Variants in GRIK3 observed in about 807,000 individuals in gnomAD.
GRIK3 encodes glutamate ionotropic receptor kainate type subunit 3, also known as glutamate receptor ionotropic, kainate 3.
A neutral mutation model predicts 102.5 loss-of-function variants in GRIK3; 29 were observed. The ratio of observed to expected loss-of-function variants is 0.28; its 90% CI spans 0.21 to 0.39. The LOEUF (loss-of-function observed/expected upper bound fraction) is 0.39, where lower values mean the gene tolerates loss of function less well. Ranked by LOEUF, GRIK3 falls within the 10% of genes least tolerant of loss-of-function variation. The probability of loss-of-function intolerance (pLI) is 1.00; values close to 1 mark genes in which losing one functional copy is unlikely to be tolerated. For missense variants in GRIK3, 908 were observed against 1,252.4 expected, an observed-to-expected ratio of 0.73 and a Z score of 4.15; for synonymous variants, 511 against 504.9, an observed-to-expected ratio of 1.01 and a Z score of -0.16.
chr1:36,851,360 C>T (rs1027779222), intron 8 of GRIK3, among the ~76,000 whole-genome samples: 1 of 152,316 alleles, frequency 6.6e-6, no homozygotes, highest in East Asian at 1.9e-4. Context: ...GGCAGAGTAG[C>T]TGTGTTTGGG....
rs1642379320 is a variant in GRIK3, at chr1:36,797,412, G to C, written c.*4439C>G. 1 of 151,954 alleles carries C rather than the reference G, an allele frequency of 6.6e-6. No individual in the cohort carries two copies. Among genetic ancestry groups the C allele is most frequent in the African/African-American group, 2.4e-5 (1 of 41,350 alleles). The allele number at this position is 151,954 out of a possible 1,614,324, so 9.4% of individuals were successfully genotyped here. A position where few individuals can be genotyped will look rare whatever the true frequency, so the allele number is the denominator to read the frequency against. On this transcript the variant is annotated 3_prime_UTR_variant, in exon 16 of 16. Transcript: ENST00000373091. The stretch of plus-strand genomic sequence containing the variant: ...TCAGCTCTGAAATTTTTACTCCAGG[G>C]CAAATCCAGGACTGAAGGGAAGGCC...
rs1033577170 is a variant in GRIK3, at chr1:37,034,058, G to A, written c.51C>T (p.Ala17=). 7 of 1,605,760 alleles carry A rather than the reference G, an allele frequency of 4.4e-6. No homozygotes were observed. Among genetic ancestry groups the A allele is most frequent in the Non-Finnish European group, 5.1e-6 (6 of 1,176,954 alleles). ...RLRSLVWEYW[A]GLLVCAFWIP... ...TCCAGAAGGCGCACACGAGGAGCCC[G>A]GCCCAGTATTCCCAAACCAGACTCC... Residue 17 remains alanine, a synonymous_variant, in exon 1 of 16, where the codon GCC becomes GCT. Transcript: ENST00000373091.
chr1:36,903,673 A>G (rs920727350), intron 1 of GRIK3, among the ~76,000 whole-genome samples: 3 of 152,244 alleles, frequency 2.0e-5, no homozygotes, highest in African/African-American at 4.8e-5. Context: ...AAAGATAAGG[A>G]TAAAACTTAA....
intron 1 of GRIK3, among the ~76,000 whole-genome samples, chr1:37,028,116 G>C (rs1569584082): frequency 6.6e-6 from 1 of 152,180 alleles, no homozygotes; most frequent in African/African-American, 2.4e-5. Context: ...AAGGAAAACG[G>C]GAAGTGAGGG....
intron 3 of GRIK3, among the ~76,000 whole-genome samples, chr1:36,878,241 G>A (rs1309984063): frequency 6.6e-6 from 1 of 152,240 alleles, no homozygotes; most frequent in Non-Finnish European, 1.5e-5. Flanking sequence ...ACTCCACAAT[G>A]CAGCAGAAAC....
rs1001925658 is a variant in GRIK3, at chr1:36,802,180, C to T, written c.2566-135G>A. 3 of 605,686 alleles carry T rather than the reference C, an allele frequency of 5.0e-6. No individual in the cohort carries two copies. In the East Asian group the frequency reaches 8.7e-5, roughly 17 times the overall value. 37.5% of individuals were successfully genotyped at this position (605,686 alleles called of 1,614,324 possible). A position where few individuals can be genotyped will look rare whatever the true frequency, so the allele number is the denominator to read the frequency against. On this transcript the variant is annotated intron_variant, in intron 15 of 15. Coordinates refer to ENST00000373091, the MANE Select transcript of GRIK3 (RefSeq NM_000831.4). ...CGTCTTTCTCACACCTTCACCCCAC[C>T]CATCCCTCTGCCACCTGCAGGATGA...
chr1:36,931,116 A>G (rs1641584009), intron 1 of GRIK3, among the ~76,000 whole-genome samples: 1 of 152,212 alleles, frequency 6.6e-6, no homozygotes, highest in Non-Finnish European at 1.5e-5. Context: ...TTGGAACTAG[A>G]AAGTATTTAT....
In GRIK3 at chr1:36,869,760, G is replaced by C; in HGVS notation, c.774C>G (p.Ile258Met). ...AGAGGTACATTACCAGAGTGGTGAA[G>C]ATGAAGTGGTAGTACTCAGTCATCA... The part of the protein sequence containing the change: ...MGMMTEYYHF[I>M]FTTLDLYALD... The change falls in exon 5 of 16, where the codon ATC becomes ATG. Residue 258 changes from isoleucine to methionine, a missense_variant. Around this residue, in one of 3 missense-constraint regions of GRIK3, gnomAD observed 585 missense variants for 824.9 expected, o/e 0.71. Coordinates refer to ENST00000373091, the MANE Select transcript of GRIK3 (RefSeq NM_000831.4). 1 of 1,611,304 alleles carries C rather than the reference G, an allele frequency of 6.2e-7. No homozygotes were observed. Among genetic ancestry groups the C allele is most frequent in the East Asian group, 2.2e-5 (1 of 44,874 alleles).
At chr1:36,859,000 G>A in intron 7 of GRIK3, 108 bp downstream of exon 7, 1 of 1,018,898 alleles carries the variant, frequency 9.8e-7, no homozygotes, top group Non-Finnish European at 1.4e-6. Flanking sequence ...ACTTGCCTGA[G>A]GTCACATGGA....
At chr1:37,023,928 A>G (rs1168132802) in intron 1 of GRIK3, among the ~76,000 whole-genome samples, 1 of 152,258 alleles carries the variant, frequency 6.6e-6, no homozygotes, top group Admixed American at 6.5e-5. Context: ...TGAAGGTTCA[A>G]TGATAGAACT....
chr1:36,994,642 G>A (rs989364604), intron 1 of GRIK3, among the ~76,000 whole-genome samples: 1 of 152,146 alleles, frequency 6.6e-6, no homozygotes, highest in Non-Finnish European at 1.5e-5. Flanking sequence ...AATACTCTTG[G>A]CTGTGGCCTC....
Position 36,806,332 on chromosome 1 carries a change from C to T in GRIK3, c.2092-6G>A. The stretch of plus-strand genomic sequence containing the variant: ...AAGGTGGAGATCTTGGATTTCTGGG[C>T]CGTGAGGGAAGGGGTGATGCACACA... On this transcript the variant is annotated splice_polypyrimidine_tract_variant and splice_region_variant and intron_variant, in intron 13 of 15. Transcript: ENST00000373091. The surrounding 1 kb of genome is among the most constrained non-coding windows in gnomAD (Gnocchi z 4.0). 6.2e-7 allele frequency: 1 copy of T among 1,600,604 alleles called. No homozygotes were observed. The highest frequency in any genetic ancestry group is 1.7e-5 in the Admixed American group (1 of 59,864).
chr1:36,883,619 T>C (rs998327644), intron 2 of GRIK3, among the ~76,000 whole-genome samples: 2 of 152,288 alleles, frequency 1.3e-5, no homozygotes, highest in Admixed American at 1.3e-4. Context: ...GAGGAAAGTC[T>C]GGAAGGGCAG....
chr1:36,838,415 C>G (rs570743), intron 10 of GRIK3, among the ~76,000 whole-genome samples: 31,592 of 152,060 alleles, frequency 0.21, 4,136 homozygotes, highest in African/African-American at 0.37. Flanking sequence ...TAAATATAGA[C>G]AGAGGGAAAT....
intron 1 of GRIK3, among the ~76,000 whole-genome samples, chr1:36,984,373 GC>G (rs1372953751): frequency 6.6e-6 from 1 of 152,238 alleles, no homozygotes; most frequent in African/African-American, 2.4e-5. Context: ...GAGGACAGGG[GC>G]CTGAGTCAGG....
chr1:36,917,421 A>C (rs1641413821), intron 1 of GRIK3, among the ~76,000 whole-genome samples: 1 of 152,076 alleles, frequency 6.6e-6, no homozygotes, highest in South Asian at 2.1e-4. Context: ...TGAGGACATG[A>C]GATTTGGGAG....
Position 36,819,810 on chromosome 1 carries a change from C to G in GRIK3, c.1799G>C (p.Gly600Ala). The part of the protein sequence containing the change: ...EWYDAHPCNP[G>A]SEVVENNFTL... ...GAAGTTATTTTCCACCACCTCGGAGCCAGGGTTGCAGGGGTGAGCATCGTA... is the reference window on the plus strand; with the variant it reads ...GAAGTTATTTTCCACCACCTCGGAGGCAGGGTTGCAGGGGTGAGCATCGTA... The change falls in exon 12 of 16, where the codon GGC becomes GCC. Residue 600 changes from glycine (G) to alanine (A), a missense_variant. By Grantham distance (60) the Gly-to-Ala change is moderately conservative. Transcript: ENST00000373091. The surrounding 1 kb of genome is among the most constrained non-coding windows in gnomAD (Gnocchi z 4.1). 6.2e-7 allele frequency: 1 copy of G among 1,602,726 alleles called. No individual in the cohort carries two copies. The highest frequency in any genetic ancestry group is 8.5e-7 in the Non-Finnish European group (1 of 1,173,044).
At chr1:36,893,649 G>A (rs567443418) in intron 1 of GRIK3, among the ~76,000 whole-genome samples, 4 of 152,198 alleles carry the variant, frequency 2.6e-5, no homozygotes, top group African/African-American at 9.7e-5. Context: ...TTTACCAAAA[G>A]CCCTAAAAAT....
chr1:36,983,340 C>T (rs901207913), intron 1 of GRIK3, among the ~76,000 whole-genome samples: 5 of 152,154 alleles, frequency 3.3e-5, no homozygotes, highest in Admixed American at 6.5e-5. Context: ...CACTCCCACA[C>T]GCATGTTCTA....
Sources: gnomAD v4.1 joint callset for allele counts (sites outside exome capture counted in the v4.1 genomes callset) on GRCh38, gnomAD v4.1.1 for gene constraint, gnomAD v4.1.1 regional missense constraint, Gnocchi (gnomAD v3.1) non-coding constraint, MANE v1.5 for transcripts, NCBI Gene and HGNC (gene_info 2026-07-23, HGNC 2026-07-21) for gene names.